ACTR3C: variants seen among roughly 807,000 people sequenced by gnomAD.
ACTR3C encodes actin related protein 3C.
In ACTR3C, 18 loss-of-function variants were observed where a neutral mutation model predicts 26.3. That is an observed-to-expected ratio of 0.68 (90% CI 0.47 to 1.01). ACTR3C has a LOEUF of 1.01. ACTR3C is among the 50% of genes least tolerant of loss of function. ACTR3C has a pLI of 0.00. For missense variants in ACTR3C, 184 were observed against 250.7 expected, an observed-to-expected ratio of 0.73 and a Z score of 1.80; for synonymous variants, 55 against 94.5, an observed-to-expected ratio of 0.58 and a Z score of 2.42.
chr7:150,084,855 T>A, the ACTR3C span, among the ~76,000 whole-genome samples: 1 of 151,988 alleles, frequency 6.6e-6, no homozygotes, highest in African/African-American at 2.4e-5. Context: ...AGGGACCTCT[T>A]GGGAGTGACT....
At chr7:150,156,867 T>A in the ACTR3C span, among the ~76,000 whole-genome samples, 1 of 151,898 alleles carries the variant, frequency 6.6e-6, no homozygotes, top group Non-Finnish European at 1.5e-5. Flanking sequence ...GGATGAAGGT[T>A]TATTCCTGTC....
chr7:150,322,470 T>C (rs1797630659), intron 1 of ACTR3C, among the ~76,000 whole-genome samples: 1 of 152,340 alleles, frequency 6.6e-6, no homozygotes, highest in Non-Finnish European at 1.5e-5. Flanking sequence ...TGCATTAGCA[T>C]GCTAAAAGAC....
chr7:150,318,729 G>A (rs1005745064), intron 1 of ACTR3C, among the ~76,000 whole-genome samples: 2 of 152,218 alleles, frequency 1.3e-5, no homozygotes, highest in African/African-American at 4.8e-5. Flanking sequence ...CTGGGTGACA[G>A]AGTGAGACTC....
chr7:150,276,387 G>A (rs1036989382), intron 6 of ACTR3C, among the ~76,000 whole-genome samples: 9 of 152,094 alleles, frequency 5.9e-5, no homozygotes, highest in African/African-American at 2.2e-4. Flanking sequence ...GACCACCACA[G>A]GTTAAGAGGA....
the ACTR3C span, among the ~76,000 whole-genome samples, chr7:150,008,089 T>G: frequency 5.9e-5 from 9 of 152,224 alleles, no homozygotes; most frequent in Non-Finnish European, 1.3e-4. Context: ...GAGACTCGCA[T>G]TCCACGTTTT....
chr7:150,147,891 G>A, the ACTR3C span, among the ~76,000 whole-genome samples: 7 of 148,850 alleles, frequency 4.7e-5, no homozygotes, highest in African/African-American at 1.8e-4. Context: ...CCCAACAGTA[G>A]TGTAACATTC....
At chr7:150,147,547 TC>T in the ACTR3C span, among the ~76,000 whole-genome samples, 1 of 152,206 alleles carries the variant, frequency 6.6e-6, no homozygotes, top group African/African-American at 2.4e-5. Context: ...CTCTCTTTCA[TC>T]CATCCTCCTT....
the ACTR3C span, among the ~76,000 whole-genome samples, chr7:149,969,171 C>A: frequency 3.9e-5 from 6 of 152,154 alleles, no homozygotes; most frequent in African/African-American, 1.4e-4. Flanking sequence ...AGAAAGGGAA[C>A]GCTGTCTTCG....
At chr7:150,178,748 T>G in the ACTR3C span, among the ~76,000 whole-genome samples, 2 of 150,838 alleles carry the variant, frequency 1.3e-5, no homozygotes, top group Admixed American at 1.3e-4. Flanking sequence ...TGTCATCGAT[T>G]GTGTAATTTT....
chr7:149,912,579 T>G, the ACTR3C span, among the ~76,000 whole-genome samples: 1 of 151,302 alleles, frequency 6.6e-6, no homozygotes. Context: ...CTCGGCTCAC[T>G]GCAACCTCCG....
chr7:150,123,943 G>A, the ACTR3C span, among the ~76,000 whole-genome samples: 6 of 152,266 alleles, frequency 3.9e-5, no homozygotes, highest in East Asian at 9.7e-4. Flanking sequence ...GAGGTGTGAG[G>A]GAGGGGCCCA....
the ACTR3C span, among the ~76,000 whole-genome samples, chr7:150,213,146 A>G: frequency 6.6e-6 from 1 of 152,160 alleles, no homozygotes; most frequent in African/African-American, 2.4e-5. Context: ...TCCAAAATCA[A>G]GCTGGAGAAT....
At chr7:150,048,203 CAT>C in the ACTR3C span, among the ~76,000 whole-genome samples, 95 of 152,280 alleles carry the variant, frequency 6.2e-4, no homozygotes, top group Middle Eastern at 6.8e-3. Context: ...AAACCAAAAA[CAT>C]AAAGCGAGGG....
chr7:149,969,453 A>G, the ACTR3C span, among the ~76,000 whole-genome samples: 1 of 152,126 alleles, frequency 6.6e-6, no homozygotes, highest in Non-Finnish European at 1.5e-5. Context: ...TACAGCAAGC[A>G]GCTCAGCTCC....
chr7:149,884,131 G>T, the ACTR3C span, among the ~76,000 whole-genome samples: 3 of 152,212 alleles, frequency 2.0e-5, no homozygotes, highest in Admixed American at 2.0e-4. Flanking sequence ...GAACAGTGAG[G>T]AGCTGGAGGT....
the ACTR3C span, among the ~76,000 whole-genome samples, chr7:150,150,659 G>A: frequency 5.8e-5 from 8 of 138,694 alleles, 2 homozygotes; most frequent in East Asian, 5.2e-4. Flanking sequence ...TTTCGGTGTC[G>A]TATAAACATA....
the ACTR3C span, among the ~76,000 whole-genome samples, chr7:150,104,229 G>C: frequency 6.6e-6 from 1 of 151,398 alleles, no homozygotes; most frequent in Admixed American, 6.6e-5. Flanking sequence ...TATCTGCTAG[G>C]ATGGCCAGAG....
chr7:149,958,926 T>A, the ACTR3C span, among the ~76,000 whole-genome samples: 2 of 152,192 alleles, frequency 1.3e-5, no homozygotes. Context: ...TTGTGTCAGC[T>A]AAGGCCTCTG....
downstream of ACTR3C, among the ~76,000 whole-genome samples, chr7:150,238,947 C>T (rs1832023988): frequency 6.7e-6 from 1 of 148,700 alleles, no homozygotes; most frequent in Non-Finnish European, 1.5e-5. Context: ...TGACAAAGTC[C>T]ATTCATTGTC....
Sources: gnomAD v4.1 joint callset for allele counts (sites outside exome capture counted in the v4.1 genomes callset) on GRCh38, gnomAD v4.1.1 for gene constraint, MANE v1.5 for transcripts, NCBI Gene and HGNC (gene_info 2026-07-23, HGNC 2026-07-21) for gene names.